SEPTIN5: variants seen among roughly 807,000 people sequenced by gnomAD.
SEPTIN5 encodes septin-5.
A neutral mutation model predicts 51.2 loss-of-function variants in SEPTIN5; 16 were observed. That is an observed-to-expected ratio of 0.31 (90% confidence interval 0.21 to 0.47). The LOEUF (loss-of-function observed/expected upper bound fraction) is 0.47, where lower values mean the gene tolerates loss of function less well. Among genes scored for constraint, SEPTIN5 ranks in the 20% least tolerant of loss-of-function variants. The pLI, the probability that SEPTIN5 is intolerant of heterozygous loss-of-function variation, is 0.99. For missense variants in SEPTIN5, 376 were observed against 500.3 expected, an observed-to-expected ratio of 0.75 and a Z score of 2.37; for synonymous variants, 208 against 191.2, an observed-to-expected ratio of 1.09 and a Z score of -0.72.
intron 8 of SEPTIN5, among the ~76,000 whole-genome samples, chr22:19,721,163 C>T (rs773487251): frequency 6.6e-6 from 1 of 152,216 alleles, no homozygotes; most frequent in Non-Finnish European, 1.5e-5. Context: ...GGCCCCCAAC[C>T]CCAACCCTCT....
At chr22:19,719,739 TG>T in intron 3 of SEPTIN5, 41 bp downstream of exon 3, 2 of 1,610,770 alleles carry the variant, frequency 1.2e-6, no homozygotes, top group African/African-American at 1.3e-5. Flanking sequence ...CTGGGGTCAC[TG>T]GCCAGCCAAG....
intron 2 of SEPTIN5, chr22:19,717,824 A>T (rs1235084591): frequency 5.0e-6 from 1 of 201,488 alleles, no homozygotes; most frequent in African/African-American, 2.4e-5. Flanking sequence ...ACACACGTAC[A>T]CACACACGCA....
rs570351041 is a variant in SEPTIN5 at position 19,714,606 on chromosome 22, G to A, written c.18G>A (p.Arg6=). 1.4e-5 allele frequency: 21 copies of A among 1,502,184 alleles called. No individual in the cohort carries two copies. The African/African-American group carries it at 2.8e-4, about 20-fold the overall frequency. The allele number at this position is 1,502,184 out of a possible 1,614,324, so 93.1% of individuals were successfully genotyped here. A position where few individuals can be genotyped will look rare whatever the true frequency, so the allele number is the denominator to read the frequency against. ...CGGCCACCATGAGCACAGGCCTGCG[G>A]TACAAGAGCAAGCTGGCGACCCCAG... MSTGL[R]YKSKLATPED... Residue 6 remains arginine (R), a synonymous_variant, in exon 1 of 12, where the codon CGG becomes CGA. Transcript: ENST00000455784. The surrounding 1 kb of genome is among the most constrained non-coding windows in gnomAD (Gnocchi z 5.2).
intron 2 of SEPTIN5, chr22:19,719,388 T>C (rs1935978401): frequency 5.4e-6 from 3 of 553,968 alleles, no homozygotes; most frequent in South Asian, 2.2e-5. Context: ...CTCCCTGGGA[T>C]TGGGGCCAGG....
rs1240567418 is a variant in SEPTIN5 at position 19,723,075 on chromosome 22, G to A, written c.*591G>A. On this transcript the variant is annotated 3_prime_UTR_variant, in exon 12 of 12. Coordinates refer to ENST00000455784, the MANE Select transcript of SEPTIN5 (RefSeq NM_002688.6). ...GCTTACACCCCTTCTCCACAGCCCG[G>A]CCCGACCTGGAGGGCCCCCGGGGCA... The A allele has an allele frequency of 1.9e-6, 1 of 521,192 alleles. No homozygotes were observed. Among genetic ancestry groups the A allele is most frequent in the African/African-American group, 1.9e-5 (1 of 53,630 alleles). 32.3% of individuals were successfully genotyped at this position (521,192 alleles called of 1,614,324 possible).
At position 19,720,665 on chromosome 22, in the gene SEPTIN5, G is replaced by A. The variant is rs375991731; in HGVS notation, c.614G>A (p.Arg205Gln). ...VPSEIRKLKE[R>Q]IREEIDKFGI... ...AGTGAGATCCGGAAGCTGAAGGAGC[G>A]GGTGAGCCTGCCGTCGCACAGGGGC... Residue 205 changes from arginine (R) to glutamine (Q), a missense_variant and splice_region_variant, in exon 7 of 12, where the codon CGG becomes CAG. Transcript: ENST00000455784. 1.1e-5 allele frequency: 18 copies of A among 1,612,800 alleles called. No homozygotes were observed. Among genetic ancestry groups the A allele is most frequent in the East Asian group, 4.5e-5 (2 of 44,898 alleles).
chr22:19,718,956 C>A lies in SEPTIN5; in HGVS notation c.55-646C>A, dbSNP rs1015954317. On this transcript the variant is annotated intron_variant, in intron 2 of 11. Transcript: ENST00000455784. ...TCCCTCCGCAGCGGCCTCGCAGGTC[C>A]GCGGCCCCACGGTGGGGCGACGTGC... The A allele has an allele frequency of 1.2e-5, 9 of 768,398 alleles. No individual in the cohort carries two copies. In the Admixed American group the frequency reaches 2.4e-4, roughly 21 times the overall value. The allele number at this position is 768,398 out of a possible 1,614,324, so 47.6% of individuals were successfully genotyped here. A position where few individuals can be genotyped will look rare whatever the true frequency, so the allele number is the denominator to read the frequency against.
rs1380582505 is a variant in SEPTIN5 at position 19,719,506 on chromosome 22, C to A, written c.55-96C>A. The A allele has an allele frequency of 6.1e-6, 6 of 988,370 alleles. No individual in the cohort carries two copies. The Admixed American group carries it at 9.3e-5, about 15-fold the overall frequency. 61.2% of individuals were successfully genotyped at this position (988,370 alleles called of 1,614,324 possible). On this transcript the variant is annotated intron_variant, in intron 2 of 11. Transcript: ENST00000455784. ...AAATGCCCCACCCTGGGAACCGTAC[C>A]CTCTGCTGTCTCCTCATACCGCATT...
Position 19,714,878 on chromosome 22 carries a change from C to T in SEPTIN5, c.54+87C>T. The T allele has an allele frequency of 6.9e-7, 1 of 1,451,384 alleles. No homozygotes were observed. The highest frequency in any genetic ancestry group is 2.5e-5 in the East Asian group (1 of 40,206). 89.9% of individuals were successfully genotyped at this position (1,451,384 alleles called of 1,614,324 possible). A position where few individuals can be genotyped will look rare whatever the true frequency, so the allele number is the denominator to read the frequency against. ...TAGCGCCTTGGGCGCCCAGGCGCGACCCCGCCCCCGCCGGCCCTCACCCAG... is the reference window on the plus strand; with the variant it reads ...TAGCGCCTTGGGCGCCCAGGCGCGATCCCGCCCCCGCCGGCCCTCACCCAG... On this transcript the variant is annotated intron_variant, in intron 2 of 11. Coordinates refer to ENST00000455784, the MANE Select transcript of SEPTIN5 (RefSeq NM_002688.6). The surrounding 1 kb of genome is among the most constrained non-coding windows in gnomAD (Gnocchi z 5.2).
intron 2 of SEPTIN5, among the ~76,000 whole-genome samples, chr22:19,716,513 G>A (rs1935913503): frequency 1.3e-5 from 2 of 152,218 alleles, no homozygotes; most frequent in Non-Finnish European, 2.9e-5. Flanking sequence ...GAGGAGATGG[G>A]CGCAGCTGTG....
chr22:19,716,134 C>T (rs1026615546), intron 2 of SEPTIN5, among the ~76,000 whole-genome samples: 6 of 152,156 alleles, frequency 3.9e-5, no homozygotes, highest in South Asian at 2.1e-4. Context: ...TGAGGTCAAC[C>T]GGGAGTCCAC....
Position 19,722,260 on chromosome 22 carries a change from T to A in SEPTIN5, c.974T>A (p.Met325Lys), listed in dbSNP as rs376661907. 19 of 1,608,550 alleles carry A rather than the reference T, an allele frequency of 1.2e-5. No individual in the cohort carries two copies. The African/African-American group carries it at 2.4e-4, about 20-fold the overall frequency. The change falls in exon 11 of 12, where the codon ATG becomes AAG. Residue 325 changes from methionine to lysine, a missense_variant. Transcript: ENST00000455784. The stretch of plus-strand genomic sequence containing the variant: ...AGCAAACTGACCCAGGACAGCCGCA[T>A]GGAGAGCCCCATCCCGATCCTGCCG... The part of the protein sequence containing the change: ...MTSKLTQDSR[M>K]ESPIPILPLP...
Position 19,714,645 on chromosome 22 carries a change from C to CTGCCCGCG in SEPTIN5, c.43+23_43+30dup, listed in dbSNP as rs558708440. On this transcript the variant is annotated intron_variant, in intron 1 of 11. Transcript: ENST00000455784. This position sits in a 1 kb window ranked among gnomAD's most constrained non-coding sequence, Gnocchi z 5.2. ...TGGCGACCCCAGGTGAGCCCAGCGCCTGCCCGCGTGCCCGCGCGCGCCTTT... is the reference window on the plus strand; with the variant it reads ...TGGCGACCCCAGGTGAGCCCAGCGCCTGCCCGCGTGCCCGCGTGCCCGCGCGCGCCTTT... 187,964 of 1,509,140 alleles carry CTGCCCGCG rather than the reference C, an allele frequency of 0.12. 13,182 individuals are homozygous for CTGCCCGCG. Among genetic ancestry groups the CTGCCCGCG allele is most frequent in the Middle Eastern group, 0.15 (665 of 4,546 alleles). The allele number at this position is 1,509,140 out of a possible 1,614,324, so 93.5% of individuals were successfully genotyped here. A position where few individuals can be genotyped will look rare whatever the true frequency, so the allele number is the denominator to read the frequency against.
chr22:19,721,524 G>C, intron 8 of SEPTIN5, 116 bp from the exon 9 acceptor site: 1 of 1,110,028 alleles, frequency 9.0e-7, no homozygotes, highest in East Asian at 2.5e-5. Flanking sequence ...TCTCTTTGAG[G>C]AGAGATAGTT....
intron 10 of SEPTIN5, 54 bp from the exon 11 acceptor site, chr22:19,722,183 C>A: frequency 7.4e-7 from 1 of 1,360,016 alleles, no homozygotes; most frequent in Non-Finnish European, 1.0e-6. Context: ...CGCCAGCCCA[C>A]GCTGAGCCTC....
At chr22:19,720,508 C>T in intron 6 of SEPTIN5, 41 bp from the exon 7 acceptor site, 5 of 1,613,418 alleles carry the variant, frequency 3.1e-6, no homozygotes, top group Non-Finnish European at 3.4e-6. Context: ...CAATATGGCC[C>T]CCTGGCTGTG....
rs1262173966 is a variant in SEPTIN5 at position 19,717,430 on chromosome 22, C to G, written c.55-2172C>G. 6.6e-6 allele frequency: 3 copies of G among 455,714 alleles called. No individual in the cohort carries two copies. In the East Asian group the frequency reaches 2.1e-4, roughly 32 times the overall value. The allele number at this position is 455,714 out of a possible 1,614,324, so 28.2% of individuals were successfully genotyped here. A position where few individuals can be genotyped will look rare whatever the true frequency, so the allele number is the denominator to read the frequency against. ...GCAGGAGCTCCCAGTCCCTCCAATC[C>G]TGTGGGTCAGAGCTGGTGAGGATGC... On this transcript the variant is annotated intron_variant, in intron 2 of 11. Transcript: ENST00000455784.
At position 19,714,754 on chromosome 22, in the gene SEPTIN5, G is replaced by C. The variant is rs753432038; in HGVS notation, c.44-27G>C. 2.5e-6 allele frequency: 4 copies of C among 1,587,498 alleles called. No homozygotes were observed. Among genetic ancestry groups the C allele is most frequent in the Middle Eastern group, 1.8e-4 (1 of 5,682 alleles). On this transcript the variant is annotated intron_variant, in intron 1 of 11. Transcript: ENST00000455784. The surrounding 1 kb of genome is among the most constrained non-coding windows in gnomAD (Gnocchi z 5.2). ...CCGGACCCGCTCGGAACCGGACCCG[G>C]ACTCGACCCCGACCCCGACCCCGCA...
In SEPTIN5 at chr22:19,714,842, C is replaced by A; in HGVS notation, c.54+51C>A. 1 of 1,582,686 alleles carries A rather than the reference C, an allele frequency of 6.3e-7. No individual in the cohort carries two copies. The highest frequency in any genetic ancestry group is 1.1e-5 in the South Asian group (1 of 88,730). On this transcript the variant is annotated intron_variant, in intron 2 of 11. Coordinates refer to ENST00000455784, the MANE Select transcript of SEPTIN5 (RefSeq NM_002688.6). The surrounding 1 kb of genome is among the most constrained non-coding windows in gnomAD (Gnocchi z 5.2). ...CCGGGAGACCCGGCCGGCTGTCACC[C>A]ATTGTGACACTAGCGCCTTGGGCGC...
Sources: gnomAD v4.1 joint callset for allele counts (sites outside exome capture counted in the v4.1 genomes callset) on GRCh38, gnomAD v4.1.1 for gene constraint, Gnocchi (gnomAD v3.1) non-coding constraint, MANE v1.5 for transcripts, NCBI Gene and HGNC (gene_info 2026-07-23, HGNC 2026-07-21) for gene names.